The following SRI variants were observed in gnomAD, a reference collection of about 807,000 sequenced individuals.
SRI encodes sorcin.
A neutral mutation model predicts 33.3 loss-of-function variants in SRI; 30 were observed. The observed-to-expected ratio is 0.90, with a 90% CI of 0.67 to 1.22. The LOEUF is 1.22. Ranked by LOEUF, SRI falls within the 50% of genes most tolerant of loss-of-function variation. The pLI is 0.00. For missense variants in SRI, 243 were observed against 250.8 expected (o/e 0.97, Z 0.21); for synonymous variants, 75 against 89.9 (o/e 0.83, Z 0.94).
At chr7:88,208,910 G>A (rs1851500224) in intron 6 of SRI, 1 of 323,548 alleles carries the variant, frequency 3.1e-6, no homozygotes, top group Admixed American at 4.4e-5. Flanking sequence ...TAATAACAAA[G>A]ATACTGCTTA....
At chr7:88,216,483 T>C (rs1229739155) in intron 3 of SRI, among the ~76,000 whole-genome samples, 1 of 152,140 alleles carries the variant, frequency 6.6e-6, no homozygotes. Flanking sequence ...AGCAGGAGCA[T>C]GCCCAAAGCT....
At chr7:88,226,327 A>G (rs1267609042) in intron 1 of SRI, among the ~76,000 whole-genome samples, 4 of 152,146 alleles carry the variant, frequency 2.6e-5, no homozygotes, top group Non-Finnish European at 2.9e-5. Context: ...TAGGAACCCA[A>G]GAGCACCTAG....
chr7:88,215,813 T>C (rs1851695704), intron 3 of SRI, among the ~76,000 whole-genome samples: 3 of 152,200 alleles, frequency 2.0e-5, no homozygotes, highest in African/African-American at 7.2e-5. Flanking sequence ...AACCATGAAA[T>C]TGGGTCTTCA....
At chr7:88,218,752 C>G in intron 2 of SRI, 107 bp downstream of exon 2, 3 of 1,023,696 alleles carry the variant, frequency 2.9e-6, no homozygotes, top group Non-Finnish European at 4.5e-6. Context: ...TTTGCAGAAG[C>G]AAAGGGACTC....
Position 88,209,390 on chromosome 7 carries a change from T to C in SRI, c.460A>G (p.Ile154Val). The C allele has an allele frequency of 6.2e-7, 1 of 1,614,152 alleles. No homozygotes were observed. Among genetic ancestry groups the C allele is most frequent in the South Asian group, 1.1e-5 (1 of 91,086 alleles). The change falls in exon 6 of 8, where the codon ATC (isoleucine) becomes GTC (valine). Residue 154 changes from isoleucine to valine, a missense_variant. By Grantham distance (29) the Ile-to-Val change is conservative (BLOSUM62 3). Transcript: ENST00000265729. ...IAKRYSTNGK[I>V]TFDDYIACCV... ...CAGGCGATGTAGTCGTCGAAGGTGA[T>C]CTTTCCATTGGTGCTGTATCGTTTT...
At position 88,218,842 on chromosome 7, in the gene SRI, T is replaced by C; in HGVS notation, c.135+17A>G. 6.2e-7 allele frequency: 1 copy of C among 1,613,298 alleles called. No homozygotes were observed. The highest frequency in any genetic ancestry group is 8.5e-7 in the Non-Finnish European group (1 of 1,179,340). ...GCAGACAATAACGGCTCTTTAATAT[T>C]AAAGGGAAAAGCTAACCTGTCCAGC... On this transcript the variant is annotated intron_variant, in intron 2 of 7. Coordinates refer to ENST00000265729, the MANE Select transcript of SRI (RefSeq NM_003130.4).
intron 2 of SRI, 60 bp from the exon 3 acceptor site, chr7:88,217,251 T>G: frequency 7.3e-7 from 1 of 1,378,608 alleles, no homozygotes; most frequent in Non-Finnish European, 1.0e-6. Flanking sequence ...TTGTTTACCT[T>G]CAGCATTCAA....
chr7:88,211,811 C>G (rs1851585547), intron 3 of SRI, among the ~76,000 whole-genome samples: 1 of 152,100 alleles, frequency 6.6e-6, no homozygotes, highest in African/African-American at 2.4e-5. Flanking sequence ...TCAGTGGTGG[C>G]CACTATTCAG....
At chr7:88,222,114 G>T (rs1441443054), upstream of SRI, among the ~76,000 whole-genome samples, 1 of 135,678 alleles carries the variant, frequency 7.4e-6, no homozygotes, top group Non-Finnish European at 1.6e-5. Flanking sequence ...TTGGTTCCAA[G>T]TCTTTGCTAT....
chr7:88,218,730 C>CTT, intron 2 of SRI, 129 bp downstream of exon 2: 2 of 782,562 alleles, frequency 2.6e-6, no homozygotes, highest in Non-Finnish European at 2.1e-6. Context: ...TAAGAAACAA[C>CTT]TTTTTTTTTC....
chr7:88,226,144 T>C (rs1403743708), intron 1 of SRI, among the ~76,000 whole-genome samples: 3 of 152,128 alleles, frequency 2.0e-5, no homozygotes, highest in Non-Finnish European at 4.4e-5. Context: ...CCTAAGAACA[T>C]TGGACTAGTA....
intron 3 of SRI, among the ~76,000 whole-genome samples, chr7:88,212,925 A>G (rs1851613854): frequency 6.6e-6 from 1 of 152,186 alleles, no homozygotes; most frequent in African/African-American, 2.4e-5. Context: ...TGACAACCAC[A>G]GCGCAGAGCC....
At chr7:88,209,478 A>G in intron 5 of SRI, 26 bp from the exon 6 acceptor site, 1 of 1,564,204 alleles carries the variant, frequency 6.4e-7, no homozygotes, top group East Asian at 2.2e-5. Flanking sequence ...TCCAGTAAAA[A>G]GGTTAAAGGA....
chr7:88,214,750 AAT>A, intron 3 of SRI: 1 of 595,536 alleles, frequency 1.7e-6, no homozygotes. Flanking sequence ...TAAATTAAAT[AAT>A]GTTAATTTTA....
upstream of SRI, among the ~76,000 whole-genome samples, chr7:88,220,866 G>T (rs1032945543): frequency 6.6e-6 from 1 of 152,222 alleles, no homozygotes; most frequent in South Asian, 2.1e-4. Context: ...GTACTGGTAA[G>T]TATTCAGGAA....
At position 88,210,152 on chromosome 7, in the gene SRI, G is replaced by T; in HGVS notation, c.250-22C>A. On this transcript the variant is annotated intron_variant, in intron 4 of 7. Transcript: ENST00000265729. Reference sequence around the variant, plus strand: ...CTCTCTGAACTGTAATCAAGGATTAGAGCTGTATTTTGCGATATTTTCTAA... The same window carrying T: ...CTCTCTGAACTGTAATCAAGGATTATAGCTGTATTTTGCGATATTTTCTAA... 3 of 1,613,776 alleles carry T rather than the reference G, an allele frequency of 1.9e-6. No individual in the cohort carries two copies. The South Asian group carries it at 3.3e-5, about 18-fold the overall frequency.
chr7:88,206,355 T>C lies in SRI; in HGVS notation c.*123A>G. The C allele has an allele frequency of 8.6e-7, 1 of 1,161,832 alleles. No homozygotes were observed. The highest frequency in any genetic ancestry group is 1.2e-5 in the South Asian group (1 of 81,230). 72.0% of individuals were successfully genotyped at this position (1,161,832 alleles called of 1,614,324 possible). On this transcript the variant is annotated 3_prime_UTR_variant, in exon 8 of 8. Transcript: ENST00000265729. ...TTCAGTTGTACATAAAGTAATAAACTTTACAACAGCTGTTAAGAGAAAGTC... is the reference window on the plus strand; with the variant it reads ...TTCAGTTGTACATAAAGTAATAAACCTTACAACAGCTGTTAAGAGAAAGTC...
chr7:88,220,051 C>A, upstream of SRI: 1 of 1,516,842 alleles, frequency 6.6e-7, no homozygotes, highest in East Asian at 2.6e-5. Flanking sequence ...CGCAGCCGCC[C>A]TCGCCCTGTG....
At chr7:88,220,074 C>A (rs1159641876), upstream of SRI, 6 of 1,488,630 alleles carry the variant, frequency 4.0e-6, no homozygotes, top group Non-Finnish European at 5.3e-6. Flanking sequence ...CCAGGCCTCT[C>A]CGCCCCCTGC....
Sources: gnomAD v4.1 joint callset for allele counts (sites outside exome capture counted in the v4.1 genomes callset) on GRCh38, gnomAD v4.1.1 for gene constraint, MANE v1.5 for transcripts, NCBI Gene and HGNC (gene_info 2026-07-23, HGNC 2026-07-21) for gene names.